The following WDR41 variants were observed in gnomAD, a reference collection of about 807,000 sequenced individuals.
WDR41 encodes the protein WD repeat-containing protein 41.
In WDR41, 63 loss-of-function variants were observed where a neutral mutation model predicts 69.3. The ratio of observed to expected loss-of-function variants is 0.91; its 90% CI spans 0.74 to 1.12. The LOEUF (loss-of-function observed/expected upper bound fraction) is 1.12, where lower values mean the gene tolerates loss of function less well. Among genes scored for constraint, WDR41 ranks in the 50% most tolerant of loss-of-function variants. WDR41 has a pLI of 0.00. For synonymous variants in WDR41, 185 were observed against 192.1 expected (o/e 0.96, Z 0.31); for missense variants, 543 against 534.5 (o/e 1.02, Z -0.16).
intron 1 of WDR41, among the ~76,000 whole-genome samples, chr5:77,607,905 A>G (rs1580049912): frequency 6.6e-6 from 1 of 152,230 alleles, no homozygotes; most frequent in African/African-American, 2.4e-5. Context: ...ATGTACTCCA[A>G]TCAGGCTTTT....
chr5:77,526,711 T>G (rs1029520532), intron 1 of WDR41, among the ~76,000 whole-genome samples: 1 of 152,140 alleles, frequency 6.6e-6, no homozygotes, highest in African/African-American at 2.4e-5. Flanking sequence ...CTCCAGTCTA[T>G]TAAAATTACA....
intron 1 of WDR41, among the ~76,000 whole-genome samples, chr5:77,567,661 AG>A (rs1743657885): frequency 7.5e-6 from 1 of 133,480 alleles, no homozygotes; most frequent in Non-Finnish European, 1.6e-5. Flanking sequence ...TAAACCAAAT[AG>A]TAAAAAAAAA....
chr5:77,516,523 C>T (rs978112404), intron 1 of WDR41, among the ~76,000 whole-genome samples: 5 of 152,162 alleles, frequency 3.3e-5, no homozygotes, highest in Non-Finnish European at 4.4e-5. Flanking sequence ...GTTGGTTTCT[C>T]CCTTCTAGGG....
intron 1 of WDR41, among the ~76,000 whole-genome samples, chr5:77,539,683 G>T (rs1225439693): frequency 6.6e-6 from 1 of 152,138 alleles, no homozygotes; most frequent in Non-Finnish European, 1.5e-5. Context: ...GTAAAATGAG[G>T]ATAACAAATA....
At chr5:77,442,106 G>T (rs1413484925) in intron 8 of WDR41, among the ~76,000 whole-genome samples, 1 of 152,074 alleles carries the variant, frequency 6.6e-6, no homozygotes, top group Non-Finnish European at 1.5e-5. Context: ...CTATACATTA[G>T]TATTTTTTTC....
chr5:77,568,474 A>T (rs1468784161), intron 1 of WDR41, among the ~76,000 whole-genome samples: 3 of 152,170 alleles, frequency 2.0e-5, no homozygotes, highest in Admixed American at 2.0e-4. Context: ...CTAGCTGGGA[A>T]TGAAATTGCT....
intron 1 of WDR41, among the ~76,000 whole-genome samples, chr5:77,505,202 C>T (rs1383873554): frequency 4.6e-5 from 7 of 152,106 alleles, no homozygotes; most frequent in African/African-American, 1.7e-4. Flanking sequence ...AATCAATGTG[C>T]AAAGATCACA....
chr5:77,567,498 C>T (rs963100028), intron 1 of WDR41, among the ~76,000 whole-genome samples: 12 of 152,114 alleles, frequency 7.9e-5, no homozygotes, highest in African/African-American at 2.4e-4. Flanking sequence ...CACAGAGTTA[C>T]TTGACCCATG....
At chr5:77,522,595 G>C (rs139225450) in intron 1 of WDR41, among the ~76,000 whole-genome samples, 1,769 of 152,060 alleles carry the variant, frequency 0.012, 33 homozygotes, top group African/African-American at 0.04. Context: ...AGCCAAGATT[G>C]CACCACTGCA....
chr5:77,538,468 A>G (rs1176834078), intron 1 of WDR41, among the ~76,000 whole-genome samples: 2 of 151,982 alleles, frequency 1.3e-5, no homozygotes. Flanking sequence ...CCTCCCCACT[A>G]TAGTATTCCC....
intron 1 of WDR41, chr5:77,620,389 AG>A: frequency 2.3e-6 from 1 of 429,778 alleles, no homozygotes; most frequent in South Asian, 1.7e-5. Flanking sequence ...CTGTTTTAAT[AG>A]GGGAAAAGAA....
chr5:77,574,759 G>A (rs935620558), intron 1 of WDR41, among the ~76,000 whole-genome samples: 2 of 152,166 alleles, frequency 1.3e-5, no homozygotes, highest in African/African-American at 4.8e-5. Flanking sequence ...CAGCGACATA[G>A]ATCTACAGTA....
chr5:77,557,023 A>G (rs1392621450), intron 1 of WDR41, among the ~76,000 whole-genome samples: 1 of 152,184 alleles, frequency 6.6e-6, no homozygotes, highest in Non-Finnish European at 1.5e-5. Context: ...GTCAAACATC[A>G]AAAATGGAAT....
At position 77,535,232 on chromosome 5, in the gene WDR41, T is replaced by C. The variant is rs576519234; in HGVS notation, c.43-45660A>G. Reference sequence around the variant, plus strand: ...GCTTGCTGTGGAGAAGAACTGTAGCTCTTAATTGTCTGTGGCCAGATCCTC... The same window carrying C: ...GCTTGCTGTGGAGAAGAACTGTAGCCCTTAATTGTCTGTGGCCAGATCCTC... On this transcript the variant is annotated intron_variant, in intron 1 of 5. Transcript: ENST00000509971. 5.3e-5 allele frequency among the ~76,000 whole-genome samples: 8 copies of C among 152,282 alleles called. No individual in the cohort carries two copies. The South Asian group carries it at 1.7e-3, about 32-fold the overall frequency.
intron 7 of WDR41, among the ~76,000 whole-genome samples, chr5:77,451,089 T>C (rs1211989447): frequency 5.3e-5 from 8 of 152,144 alleles, no homozygotes; most frequent in Non-Finnish European, 1.2e-4. Flanking sequence ...CAAGCTAACA[T>C]ACTGATTAAA....
upstream of WDR41, among the ~76,000 whole-genome samples, chr5:77,496,436 C>CA (rs202219165): frequency 0.018 from 2,761 of 151,634 alleles, 34 homozygotes; most frequent in Middle Eastern, 0.061. Context: ...TAGATTAATA[C>CA]AAAAAAAATT....
At chr5:77,609,648 C>T (rs1317293835) in intron 1 of WDR41, among the ~76,000 whole-genome samples, 1 of 152,110 alleles carries the variant, frequency 6.6e-6, no homozygotes, top group Admixed American at 6.5e-5. Context: ...ACACCAAAAA[C>T]CCATCTGTAC....
chr5:77,594,507 C>G (rs1445693147), intron 1 of WDR41, among the ~76,000 whole-genome samples: 1 of 151,580 alleles, frequency 6.6e-6, no homozygotes, highest in Non-Finnish European at 1.5e-5. Flanking sequence ...TGTCTGTGAT[C>G]CATGATTTTT....
intron 5 of WDR41, 70 bp downstream of exon 5, chr5:77,458,992 A>T (rs1799936449): frequency 8.7e-7 from 1 of 1,143,076 alleles, no homozygotes; most frequent in Non-Finnish European, 1.3e-6. Context: ...ATTTCGTCTA[A>T]CTCTTTAAAC....
Sources: allele counts gnomAD v4.1 joint callset (sites outside exome capture counted in the v4.1 genomes callset), GRCh38; gene constraint gnomAD v4.1.1; transcripts MANE v1.5; gene names NCBI Gene and HGNC (gene_info 2026-07-23, HGNC 2026-07-21).